Variants in PITPNB observed in about 807,000 individuals in gnomAD.
PITPNB encodes the protein phosphatidylinositol transfer protein beta, also known as phosphatidylinositol transfer protein beta isoform.
A neutral mutation model predicts 45.9 loss-of-function variants in PITPNB; 16 were observed. The observed-to-expected ratio is 0.35, with a 90% confidence interval of 0.24 to 0.53. The LOEUF (loss-of-function observed/expected upper bound fraction) is 0.53, where lower values mean the gene tolerates loss of function less well. PITPNB is among the 20% of genes least tolerant of loss of function. PITPNB has a pLI of 0.93. For synonymous variants in PITPNB, 112 were observed against 108.9 expected (o/e 1.03, Z -0.18); for missense variants, 188 against 330.5 (o/e 0.57, Z 3.34).
At chr22:27,877,155 A>G (rs576140050) in intron 7 of PITPNB, among the ~76,000 whole-genome samples, 1 of 152,324 alleles carries the variant, frequency 6.6e-6, no homozygotes, top group East Asian at 1.9e-4. Context: ...TCTTATTGCT[A>G]AAGTGCACTG....
chr22:27,872,081 GTTTTTTTTTTTTTTT>G (rs58288724), intron 8 of PITPNB, among the ~76,000 whole-genome samples: 33 of 64,432 alleles, frequency 5.1e-4, no homozygotes, highest in South Asian at 2.1e-3. Flanking sequence ...ATTAAGCCTG[GTTTTTTTTTTTTTTT>G]TTTTTTTTTT....
At chr22:27,894,980 T>C (rs1601413476) in intron 6 of PITPNB, among the ~76,000 whole-genome samples, 1 of 152,198 alleles carries the variant, frequency 6.6e-6, no homozygotes, top group African/African-American at 2.4e-5. Context: ...CTTGTAACCT[T>C]TGTAACCAAC....
intron 7 of PITPNB, among the ~76,000 whole-genome samples, chr22:27,886,490 A>C (rs1321323284): frequency 6.6e-6 from 1 of 152,234 alleles, no homozygotes; most frequent in Non-Finnish European, 1.5e-5. Flanking sequence ...CCAATTATGT[A>C]AACATGTCAA....
intron 7 of PITPNB, among the ~76,000 whole-genome samples, chr22:27,891,946 A>C (rs1935292835): frequency 6.6e-6 from 1 of 152,228 alleles, no homozygotes; most frequent in South Asian, 2.1e-4. Context: ...GTCCAAGATT[A>C]AATAGCCAGT....
chr22:27,883,440 T>A lies in PITPNB; in HGVS notation c.457-9625A>T, dbSNP rs550968855. Among the ~76,000 whole-genome samples the A allele has an allele frequency of 2.8e-4, 42 of 152,296 alleles. No homozygotes were observed. The East Asian group carries it at 7.9e-3, about 29-fold the overall frequency. ...TTCTGCTTCCAAAATCCTAGAAGGG[T>A]GCCTATGCTACAATCTTCACCATTA... On this transcript the variant is annotated intron_variant, in intron 7 of 11. Coordinates refer to ENST00000335272, the MANE Select transcript of PITPNB (RefSeq NM_012399.5).
intron 3 of PITPNB, among the ~76,000 whole-genome samples, chr22:27,898,891 T>C (rs1286949082): frequency 6.6e-6 from 1 of 152,230 alleles, no homozygotes; most frequent in Non-Finnish European, 1.5e-5. Flanking sequence ...ATGTTATTTG[T>C]TAACAAACAA....
chr22:27,897,980 C>A, intron 3 of PITPNB, 88 bp from the exon 4 acceptor site: 1 of 861,650 alleles, frequency 1.2e-6, no homozygotes, highest in South Asian at 1.4e-5. Flanking sequence ...GTATGGCAAT[C>A]AAAGGTGACC....
intron 1 of PITPNB, among the ~76,000 whole-genome samples, chr22:27,918,898 C>T (rs775034196): frequency 6.6e-6 from 1 of 152,098 alleles, no homozygotes; most frequent in Non-Finnish European, 1.5e-5. Context: ...AGCGGAAACT[C>T]CCGGCCGCGC....
chr22:27,896,104 A>G (rs752640846), intron 6 of PITPNB, among the ~76,000 whole-genome samples: 22 of 152,240 alleles, frequency 1.4e-4, no homozygotes, highest in Non-Finnish European at 2.6e-4. Flanking sequence ...AAGTTATTCA[A>G]GTACTTTATC....
chr22:27,915,260 T>C (rs933563654), intron 1 of PITPNB, among the ~76,000 whole-genome samples: 13 of 152,192 alleles, frequency 8.5e-5, no homozygotes, highest in Admixed American at 2.6e-4. Flanking sequence ...ATCTTATCTG[T>C]CATTTTATGG....
chr22:27,902,339 T>C (rs1301329960), intron 3 of PITPNB, among the ~76,000 whole-genome samples: 1 of 151,978 alleles, frequency 6.6e-6, no homozygotes, highest in Non-Finnish European at 1.5e-5. Flanking sequence ...TGACCAAACA[T>C]GGAGAGAGGG....
At chr22:27,914,982 T>C (rs767933923) in intron 1 of PITPNB, among the ~76,000 whole-genome samples, 2 of 152,248 alleles carry the variant, frequency 1.3e-5, no homozygotes, top group African/African-American at 2.4e-5. Context: ...AGTTTCTTAT[T>C]GTATATACCA....
At chr22:27,857,903 C>T (rs1371803842) in intron 10 of PITPNB, among the ~76,000 whole-genome samples, 1 of 152,016 alleles carries the variant, frequency 6.6e-6, no homozygotes, top group Non-Finnish European at 1.5e-5. Context: ...AGGATCACTG[C>T]CAGTTGGGGG....
intron 2 of PITPNB, among the ~76,000 whole-genome samples, chr22:27,911,744 GA>G (rs1488200104): frequency 6.6e-6 from 1 of 152,210 alleles, no homozygotes; most frequent in African/African-American, 2.4e-5. Context: ...CCCAAGATCA[GA>G]AATGGTTCAT....
Position 27,865,913 on chromosome 22 carries a change from C to G in PITPNB, c.535-5672G>C, listed in dbSNP as rs531231016. ...TTCTTCATTGGCTAAAAAACAACCC[C>G]AAAGCAAATAAAACCAAAATCTGAA... On this transcript the variant is annotated intron_variant, in intron 8 of 11. Transcript: ENST00000335272. 2.6e-5 allele frequency among the ~76,000 whole-genome samples: 4 copies of G among 152,206 alleles called. No individual in the cohort carries two copies. In the South Asian group the frequency reaches 8.3e-4, roughly 32 times the overall value.
At chr22:27,887,704 G>T (rs948951872) in intron 7 of PITPNB, among the ~76,000 whole-genome samples, 2 of 152,032 alleles carry the variant, frequency 1.3e-5, no homozygotes, top group African/African-American at 4.8e-5. Flanking sequence ...CAAGTTTTAG[G>T]CACTAAACAT....
chr22:27,879,823 A>G (rs1052166597), intron 7 of PITPNB, among the ~76,000 whole-genome samples: 3 of 152,080 alleles, frequency 2.0e-5, no homozygotes, highest in South Asian at 4.1e-4. Context: ...GGGGGAAAAC[A>G]CCCTAGTAAA....
intron 1 of PITPNB, among the ~76,000 whole-genome samples, chr22:27,918,506 G>C (rs1226084901): frequency 1.3e-5 from 2 of 152,204 alleles, no homozygotes; most frequent in Non-Finnish European, 2.9e-5. Flanking sequence ...CCCTCCATTT[G>C]ACAGAGCACG....
chr22:27,877,037 T>G (rs1934839756), intron 7 of PITPNB, among the ~76,000 whole-genome samples: 1 of 152,188 alleles, frequency 6.6e-6, no homozygotes, highest in Admixed American at 6.5e-5. Flanking sequence ...AAGGCTGAAT[T>G]TGCTATGCAC....
Sources: allele counts gnomAD v4.1 joint callset (sites outside exome capture counted in the v4.1 genomes callset), GRCh38; gene constraint gnomAD v4.1.1; transcripts MANE v1.5; gene names NCBI Gene and HGNC (gene_info 2026-07-23, HGNC 2026-07-21).